HELZ: variants seen among roughly 807,000 people sequenced by gnomAD.
HELZ encodes ATP-dependent RNA helicase with zinc finger domain.
Under a neutral mutation model 218.2 loss-of-function variants are expected in HELZ, and 23 were observed. The observed-to-expected ratio is 0.11, with a 90% CI of 0.08 to 0.15. The LOEUF is 0.15. Ranked by LOEUF, HELZ falls within the 10% of genes least tolerant of loss-of-function variation. The pLI is 1.00. For missense variants in HELZ, 1,813 were observed against 2,353.7 expected (o/e 0.77, Z 4.75); for synonymous variants, 814 against 829.4 (o/e 0.98, Z 0.32).
At position 67,109,570 on chromosome 17, in the gene HELZ, G is replaced by A. The variant is rs534922122; in HGVS notation, c.4035C>T (p.Pro1345=). The A allele has an allele frequency of 6.2e-7, 1 of 1,614,174 alleles. No individual in the cohort carries two copies. Among genetic ancestry groups the A allele is most frequent in the Non-Finnish European group, 8.5e-7 (1 of 1,180,036 alleles). Residue 1345 remains proline (P), a synonymous_variant, in exon 29 of 33, where the codon CCC becomes CCT. Coordinates refer to ENST00000358691, the MANE Select transcript of HELZ (RefSeq NM_014877.4). ...DNLNPRHINL[P]LPAPHAQYAI... The stretch of plus-strand genomic sequence containing the variant: ...CATACTGTGCGTGGGGAGCAGGAAG[G>A]GGAAGATTTATGTGTCTTGGGTTGA...
intron 28 of HELZ, among the ~76,000 whole-genome samples, chr17:67,112,008 T>C (rs1445536547): frequency 6.6e-6 from 1 of 152,210 alleles, no homozygotes; most frequent in Non-Finnish European, 1.5e-5. Context: ...GAAAGGAAGC[T>C]AGGTCTGCGT....
At position 67,203,451 on chromosome 17, in the gene HELZ, G is replaced by T. The variant is rs962198797; in HGVS notation, c.248-8C>A. On this transcript the variant is annotated splice_region_variant and splice_polypyrimidine_tract_variant and intron_variant, in intron 5 of 32. Coordinates refer to ENST00000358691, the MANE Select transcript of HELZ (RefSeq NM_014877.4). ...CCAGTCCTTCTCCCAGCACTGCCAT[G>T]AAAGAACAGCCATCATTAACCATAT... The T allele has an allele frequency of 8.1e-6, 13 of 1,612,986 alleles. No individual in the cohort carries two copies. Among genetic ancestry groups the T allele is most frequent in the Non-Finnish European group, 1.1e-5 (13 of 1,179,552 alleles).
intron 13 of HELZ, among the ~76,000 whole-genome samples, chr17:67,172,268 C>G (rs1288768302): frequency 6.6e-6 from 1 of 152,182 alleles, no homozygotes; most frequent in Non-Finnish European, 1.5e-5. Context: ...AGTGCCTCTT[C>G]CATGGGGCCC....
chr17:67,092,893 G>C (rs922484025), intron 31 of HELZ, among the ~76,000 whole-genome samples: 1 of 44,444 alleles, frequency 2.3e-5, no homozygotes. Flanking sequence ...TGAAACCGGC[G>C]GGGGGGGGAA....
intron 2 of HELZ, 111 bp downstream of exon 2, chr17:67,243,673 A>G (rs1735538246): frequency 6.6e-6 from 1 of 152,206 alleles, no homozygotes; most frequent in African/African-American, 2.4e-5. Flanking sequence ...TGAGTGATAC[A>G]TTTGGAAAAC....
At position 67,141,398 on chromosome 17, in the gene HELZ, C is replaced by T. The variant is rs56249974; in HGVS notation, c.2770-3284G>A. 1.3e-3 allele frequency among the ~76,000 whole-genome samples: 190 copies of T among 147,128 alleles called. 1 individual carries two copies. Among genetic ancestry groups the T allele is most frequent in the Middle Eastern group, 0.011 (3 of 280 alleles). On this transcript the variant is annotated intron_variant, in intron 21 of 32. Coordinates refer to ENST00000358691, the MANE Select transcript of HELZ (RefSeq NM_014877.4). ...AGCAAACTCCATAAATATGTACTTG[C>T]CACCCTTCTCTTAGAATTTTTAAAA... is the stretch of plus-strand genomic sequence containing the variant.
chr17:67,199,618 G>A (rs1014867363), intron 7 of HELZ, among the ~76,000 whole-genome samples: 1 of 151,944 alleles, frequency 6.6e-6, no homozygotes, highest in Non-Finnish European at 1.5e-5. Flanking sequence ...ACTGATTCTC[G>A]GTTGATTCAC....
chr17:67,242,090 C>G (rs2041327252), intron 2 of HELZ, among the ~76,000 whole-genome samples: 1 of 152,216 alleles, frequency 6.6e-6, no homozygotes, highest in Non-Finnish European at 1.5e-5. Context: ...AGACCACTGG[C>G]TCCTTTCCAC....
intron 21 of HELZ, 129 bp from the exon 22 acceptor site, chr17:67,138,243 A>C: frequency 1.7e-6 from 1 of 600,666 alleles, no homozygotes; most frequent in Non-Finnish European, 2.6e-6. Context: ...AAAAAAAACT[A>C]CCCCTAAATG....
At chr17:67,133,707 GT>G (rs1567828563) in intron 23 of HELZ, among the ~76,000 whole-genome samples, 1 of 152,050 alleles carries the variant, frequency 6.6e-6, no homozygotes, top group Non-Finnish European at 1.5e-5. Flanking sequence ...TAGAGACAAG[GT>G]TTTGCCATGT....
intron 15 of HELZ, among the ~76,000 whole-genome samples, chr17:67,162,244 T>C (rs2039014191): frequency 6.6e-6 from 1 of 152,172 alleles, no homozygotes; most frequent in Admixed American, 6.5e-5. Context: ...AGCAAGACCC[T>C]ATCTCTACAA....
intron 22 of HELZ, 29 bp from the exon 23 acceptor site, chr17:67,136,227 T>A: frequency 7.0e-7 from 1 of 1,429,526 alleles, no homozygotes; most frequent in Non-Finnish European, 9.7e-7. Flanking sequence ...AAGAAAAGAC[T>A]TAAGATTGTC....
chr17:67,115,604 T>C (rs938891788), intron 27 of HELZ, among the ~76,000 whole-genome samples: 1 of 151,956 alleles, frequency 6.6e-6, no homozygotes, highest in Non-Finnish European at 1.5e-5. Context: ...CAGATAAGGA[T>C]GGCATCAGAT....
At position 67,112,573 on chromosome 17, in the gene HELZ, C is replaced by A. The variant is rs76888692; in HGVS notation, c.3918+1751G>T. Among the ~76,000 whole-genome samples the A allele has an allele frequency of 6.4e-3, 970 of 152,338 alleles. 10 individuals carry two copies. The highest frequency in any genetic ancestry group is 0.022 in the African/African-American group (925 of 41,582). ...GCAGCCCCTCCAGTGGGTACTGAATCCTTCCATATATAGAAGCTGTGAGTA... is the reference window on the plus strand; with the variant it reads ...GCAGCCCCTCCAGTGGGTACTGAATACTTCCATATATAGAAGCTGTGAGTA... On this transcript the variant is annotated intron_variant, in intron 28 of 32. Coordinates refer to ENST00000358691, the MANE Select transcript of HELZ (RefSeq NM_014877.4).
chr17:67,101,111 GAA>G (rs34193245), intron 31 of HELZ, among the ~76,000 whole-genome samples: 8 of 59,992 alleles, frequency 1.3e-4, no homozygotes, highest in African/African-American at 1.9e-4. Context: ...CTCCGTCTCA[GAA>G]AAAAAAAAAA....
At chr17:67,198,824 G>A (rs2040095350) in intron 7 of HELZ, among the ~76,000 whole-genome samples, 1 of 151,990 alleles carries the variant, frequency 6.6e-6, no homozygotes, top group Admixed American at 6.6e-5. Flanking sequence ...TTCCTAAACG[G>A]TTATCTTTTA....
At position 67,086,874 on chromosome 17, in the gene HELZ, G is replaced by A. The variant is rs779446469; in HGVS notation, c.5449C>T (p.Pro1817Ser). 62 of 1,613,542 alleles carry A rather than the reference G, an allele frequency of 3.8e-5. No homozygotes were observed. Among genetic ancestry groups the A allele is most frequent in the Non-Finnish European group, 4.7e-5 (56 of 1,179,942 alleles). ...TTSSTPYQNI[P>S]CNGSSRTAQP... ...GCTGTCCTGCTGGATCCATTGCACG[G>A]AATGTTCTGATAAGGAGTAGATGAG... Residue 1817 changes from proline (P) to serine (S), a missense_variant, in exon 32 of 33, where the codon CCG becomes TCG. Transcript: ENST00000358691.
At chr17:67,203,079 A>G (rs1341293164) in intron 6 of HELZ, among the ~76,000 whole-genome samples, 1 of 152,088 alleles carries the variant, frequency 6.6e-6, no homozygotes, top group Admixed American at 6.6e-5. Context: ...CAGTGATCAC[A>G]CCACTTTACT....
intron 3 of HELZ, among the ~76,000 whole-genome samples, chr17:67,220,964 A>G (rs2040729926): frequency 6.6e-6 from 1 of 151,192 alleles, no homozygotes; most frequent in South Asian, 2.1e-4. Context: ...TTTAAGGGTA[A>G]GGGGATTTAA....
Sources: allele counts gnomAD v4.1 joint callset (sites outside exome capture counted in the v4.1 genomes callset), GRCh38; gene constraint gnomAD v4.1.1; transcripts MANE v1.5; gene names NCBI Gene and HGNC (gene_info 2026-07-23, HGNC 2026-07-21).